The following DAPK2 variants were observed in gnomAD, a reference collection of about 807,000 sequenced individuals.
DAPK2 encodes the protein death-associated protein kinase 2.
DAPK2 carries 35 observed loss-of-function variants against 44.1 expected under a neutral mutation model. That is an observed-to-expected ratio of 0.79 (90% confidence interval 0.61 to 1.05). The LOEUF (loss-of-function observed/expected upper bound fraction) is 1.05. Ranked by LOEUF, DAPK2 falls within the 50% of genes least tolerant of loss-of-function variation. The probability of loss-of-function intolerance (pLI) is 0.00; values close to 1 mark genes in which losing one functional copy is unlikely to be tolerated. For missense variants in DAPK2, 453 were observed against 483.2 expected, an observed-to-expected ratio of 0.94 and a Z score of 0.59; for synonymous variants, 174 against 182.6, an observed-to-expected ratio of 0.95 and a Z score of 0.38.
At chr15:63,922,794 G>C (rs920761) in intron 8 of DAPK2, 200,629 of 1,535,530 alleles carry the variant, frequency 0.13, 14,663 homozygotes, top group African/African-American at 0.26. Context: ...AGCTCTGACA[G>C]GGATTCACTG....
At chr15:64,033,189 GGT>G (rs1336754887) in intron 1 of DAPK2, among the ~76,000 whole-genome samples, 1 of 151,308 alleles carries the variant, frequency 6.6e-6, no homozygotes, top group Non-Finnish European at 1.5e-5. Context: ...GAGCCCAGGA[GGT>G]CGAGGCTGCA....
chr15:64,025,895 G>T (rs1056783044), intron 1 of DAPK2, among the ~76,000 whole-genome samples: 4 of 152,194 alleles, frequency 2.6e-5, no homozygotes, highest in African/African-American at 9.7e-5. Flanking sequence ...TAAAGTTAGC[G>T]TTCTCTATCA....
intron 6 of DAPK2, among the ~76,000 whole-genome samples, chr15:63,927,804 T>C (rs2079348906): frequency 6.6e-6 from 1 of 151,750 alleles, no homozygotes; most frequent in African/African-American, 2.4e-5. Flanking sequence ...GCAGTGGTGC[T>C]ACTACAGCTC....
intron 1 of DAPK2, among the ~76,000 whole-genome samples, chr15:64,024,865 T>A (rs2079793316): frequency 6.6e-6 from 1 of 152,218 alleles, no homozygotes; most frequent in Non-Finnish European, 1.5e-5. Flanking sequence ...TTCATCACCC[T>A]TCAAGCCCTG....
At chr15:64,038,558 T>A (rs1323815978) in intron 1 of DAPK2, among the ~76,000 whole-genome samples, 2 of 152,116 alleles carry the variant, frequency 1.3e-5, no homozygotes, top group Admixed American at 6.5e-5. Flanking sequence ...TCTCTGCAGT[T>A]ATTTGCTCCC....
At chr15:64,015,862 TC>T (rs969479233) in intron 1 of DAPK2, among the ~76,000 whole-genome samples, 2 of 152,128 alleles carry the variant, frequency 1.3e-5, no homozygotes, top group African/African-American at 2.4e-5. Context: ...TCTCAGAGCC[TC>T]CCCAAGGAAT....
At chr15:64,033,318 AAGGAAGG>A (rs2080081337) in intron 1 of DAPK2, among the ~76,000 whole-genome samples, 1 of 142,980 alleles carries the variant, frequency 7.0e-6, no homozygotes, top group Admixed American at 6.9e-5. Context: ...GGAAGGAAGG[AAGGAAGG>A]AAAAAAAAAA....
intron 7 of DAPK2, 67 bp downstream of exon 8, chr15:63,925,874 G>T: frequency 6.3e-7 from 1 of 1,593,626 alleles, no homozygotes; most frequent in Non-Finnish European, 8.6e-7. Flanking sequence ...CATACTGACA[G>T]GTCTTTGACA....
intron 3 of DAPK2, among the ~76,000 whole-genome samples, chr15:63,952,882 C>T (rs774333347): frequency 4.6e-5 from 7 of 152,100 alleles, no homozygotes; most frequent in Non-Finnish European, 8.8e-5. Context: ...CTATCAAATA[C>T]TAGATCATCT....
At position 63,908,293 on chromosome 15, in the gene DAPK2, G is replaced by A. The variant is rs1314100217; in HGVS notation, c.*227C>T. 1 of 386,284 alleles carries A rather than the reference G, an allele frequency of 2.6e-6. No individual in the cohort carries two copies. Among genetic ancestry groups the A allele is most frequent in the Non-Finnish European group, 4.6e-6 (1 of 217,386 alleles). 23.9% of individuals were successfully genotyped at this position (386,284 alleles called of 1,614,324 possible). On this transcript the variant is annotated 3_prime_UTR_variant, in exon 11 of 11. Coordinates refer to ENST00000261891, the Ensembl canonical transcript of DAPK2. This position sits in a 1 kb window ranked among gnomAD's most constrained non-coding sequence, Gnocchi z 5.7. ...GCAGACAGAGGAAAGCCCATTTTAT[G>A]GAGAATTAAGAGCTTTGGGAATGCT...
At chr15:64,042,642 C>A (rs1007904704), upstream of DAPK2, among the ~76,000 whole-genome samples, 2 of 152,232 alleles carry the variant, frequency 1.3e-5, no homozygotes, top group Non-Finnish European at 2.9e-5. The surrounding 1 kb of genome is among the most constrained non-coding windows in gnomAD (Gnocchi z 4.7). Flanking sequence ...CCCTTAGGGA[C>A]AAACTAGGCC....
intron 2 of DAPK2, among the ~76,000 whole-genome samples, chr15:63,974,056 T>C (rs1009637006): frequency 6.6e-6 from 1 of 152,218 alleles, no homozygotes; most frequent in Non-Finnish European, 1.5e-5. Flanking sequence ...TTAAAGACTC[T>C]AGAATACTGT....
intron 1 of DAPK2, among the ~76,000 whole-genome samples, chr15:63,987,591 G>A (rs537805549): frequency 1.5e-4 from 23 of 152,170 alleles, no homozygotes; most frequent in Admixed American, 3.3e-4. Flanking sequence ...CCGATTCCTC[G>A]TCCTAATCTG....
At chr15:63,956,591 T>A (rs897181821) in intron 3 of DAPK2, among the ~76,000 whole-genome samples, 2 of 143,724 alleles carry the variant, frequency 1.4e-5, no homozygotes, top group African/African-American at 2.5e-5. Flanking sequence ...TCAATTTAAA[T>A]TTTTTTTTTT....
chr15:63,929,205 A>G (rs1209843831), intron 6 of DAPK2, among the ~76,000 whole-genome samples: 1 of 151,802 alleles, frequency 6.6e-6, no homozygotes, highest in African/African-American at 2.4e-5. Context: ...TCTCAAAAAA[A>G]AAAAAAAAAG....
exon 3 of DAPK2, chr15:63,971,479 TCTGCTTAATGAAGCTGGTGGC>T: frequency 1.2e-6 from 2 of 1,614,224 alleles, no homozygotes; most frequent in Non-Finnish European, 8.5e-7. Flanking sequence ...CCATCCAGGA[TCTGCTTAATGAAGCTGGTGGC>T]CTCCTCCTCA....
rs150479480 is a variant in DAPK2, at chr15:63,926,954, C to A, written c.660-861G>T. Among the ~76,000 whole-genome samples the A allele has an allele frequency of 1.9e-3, 290 of 152,300 alleles. 8 individuals carry two copies. The highest frequency in any genetic ancestry group is 0.015 in the Admixed American group (224 of 15,298). On this transcript the variant is annotated intron_variant, in intron 6 of 10. Transcript: ENST00000261891. ...CTCTTGAAAGTCATCCCCATTTCCA[C>A]AGCCACTTTCTTAGCATGGTGGCAG... is the stretch of plus-strand genomic sequence containing the variant.
chr15:63,967,708 T>C (rs529671686), intron 3 of DAPK2, among the ~76,000 whole-genome samples: 3 of 152,032 alleles, frequency 2.0e-5, no homozygotes, highest in South Asian at 2.1e-4. Context: ...AAAAAAAATA[T>C]CCATTTGTCG....
At chr15:63,930,569 A>T in intron 4 of DAPK2, 114 bp from the exon 6 acceptor site, 2 of 970,718 alleles carry the variant, frequency 2.1e-6, no homozygotes, top group Non-Finnish European at 3.2e-6. Flanking sequence ...TCTCCAGGAA[A>T]ATTAGAGCAG....
Sources: gnomAD v4.1 joint callset for allele counts (sites outside exome capture counted in the v4.1 genomes callset) on GRCh38, gnomAD v4.1.1 for gene constraint, Gnocchi (gnomAD v3.1) non-coding constraint, MANE v1.5 for transcripts, NCBI Gene and HGNC (gene_info 2026-07-23, HGNC 2026-07-21) for gene names.